The following KLF8 variants were observed in gnomAD, a reference collection of about 807,000 sequenced individuals.
The protein encoded by KLF8 is Krueppel-like factor 8.
A neutral mutation model predicts 18.2 loss-of-function variants in KLF8; 10 were observed. The ratio of observed to expected loss-of-function variants is 0.55; its 90% CI spans 0.34 to 0.93. The LOEUF is 0.93. Among genes scored for constraint, KLF8 ranks in the 40% least tolerant of loss-of-function variants. The pLI is 0.02. For synonymous variants in KLF8, 109 were observed against 97.3 expected, an observed-to-expected ratio of 1.12 and a Z score of -0.71; for missense variants, 264 against 277.9, an observed-to-expected ratio of 0.95 and a Z score of 0.36.
At chrX:56,173,585 C>CT in the KLF8 span, among the ~76,000 whole-genome samples, 3 of 111,808 alleles carry the variant, frequency 2.7e-5, no homozygotes, top group Admixed American at 1.9e-4. Flanking sequence ...AATGCGGGCT[C>CT]TTTTTTGGTT....
chrX:56,190,997 A>G, the KLF8 span, among the ~76,000 whole-genome samples: 1 of 111,879 alleles, frequency 8.9e-6, no homozygotes, highest in African/African-American at 3.2e-5. Context: ...GAAAAAGAAA[A>G]TAATACAAAG....
At chrX:56,049,436 G>A in the KLF8 span, among the ~76,000 whole-genome samples, 623 of 110,414 alleles carry the variant, frequency 5.6e-3, 2 homozygotes, top group Middle Eastern at 0.019. Flanking sequence ...TTTGAAATAC[G>A]TCCCATCAAT....
chrX:56,168,300 A>G, the KLF8 span, among the ~76,000 whole-genome samples: 1 of 111,859 alleles, frequency 8.9e-6, no homozygotes, highest in Non-Finnish European at 1.9e-5. Flanking sequence ...AAGCAATTCT[A>G]TGGACAATAG....
the KLF8 span, among the ~76,000 whole-genome samples, chrX:55,950,059 C>T: frequency 9.0e-6 from 1 of 111,211 alleles, no homozygotes; most frequent in Admixed American, 9.6e-5. Flanking sequence ...AGTTTCTCTA[C>T]CTAAGTAATG....
chrX:56,114,316 G>A, the KLF8 span, among the ~76,000 whole-genome samples: 1 of 112,623 alleles, frequency 8.9e-6, no homozygotes, highest in Admixed American at 9.4e-5. Context: ...GCCCCTGGGC[G>A]CAATGTTAGC....
At chrX:55,922,451 G>A in the KLF8 span, among the ~76,000 whole-genome samples, 3 of 112,223 alleles carry the variant, frequency 2.7e-5, no homozygotes, top group East Asian at 8.4e-4. Flanking sequence ...ACACACGCTG[G>A]GACCTGTCAG....
At chrX:56,022,377 C>T in the KLF8 span, among the ~76,000 whole-genome samples, 342 of 107,537 alleles carry the variant, frequency 3.2e-3, 1 homozygote, top group Non-Finnish European at 4.7e-3. Context: ...AAACCCCGTG[C>T]CTACTAAAAT....
the KLF8 span, among the ~76,000 whole-genome samples, chrX:56,193,604 G>T: frequency 2.7e-5 from 3 of 112,190 alleles, no homozygotes; most frequent in East Asian, 8.4e-4. Context: ...TAAAGAAAAT[G>T]TATATATACA....
At chrX:56,000,587 C>A in the KLF8 span, among the ~76,000 whole-genome samples, 1 of 108,832 alleles carries the variant, frequency 9.2e-6, no homozygotes, top group Admixed American at 9.9e-5. Flanking sequence ...TTGTATGTTT[C>A]CAGTAATTTC....
At chrX:56,029,472 C>T in the KLF8 span, among the ~76,000 whole-genome samples, 32 of 110,732 alleles carry the variant, frequency 2.9e-4, no homozygotes, top group Non-Finnish European at 4.0e-4. Flanking sequence ...ATTATATCAG[C>T]GGTTTTCTTA....
At chrX:56,135,263 G>A in the KLF8 span, among the ~76,000 whole-genome samples, 1 of 111,477 alleles carries the variant, frequency 9.0e-6, no homozygotes, top group African/African-American at 3.3e-5. Flanking sequence ...TATGTTTATT[G>A]CAGCACTATT....
chrX:56,152,851 G>A, the KLF8 span, among the ~76,000 whole-genome samples: 33 of 111,917 alleles, frequency 2.9e-4, no homozygotes, highest in Non-Finnish European at 5.5e-4. Context: ...TGCCCAGTAA[G>A]CCTTATACTC....
the KLF8 span, among the ~76,000 whole-genome samples, chrX:55,960,152 T>A: frequency 2.7e-5 from 3 of 112,053 alleles, no homozygotes; most frequent in Non-Finnish European, 3.8e-5. Context: ...CTAAGCTTCA[T>A]AAGTGGAGAA....
At chrX:56,059,832 A>G in the KLF8 span, among the ~76,000 whole-genome samples, 1 of 111,811 alleles carries the variant, frequency 8.9e-6, no homozygotes, top group African/African-American at 3.2e-5. Flanking sequence ...TCTTGGCAAT[A>G]TGGGCTCTTT....
the KLF8 span, among the ~76,000 whole-genome samples, chrX:56,056,706 G>A: frequency 2.1e-5 from 2 of 96,999 alleles, no homozygotes; most frequent in Non-Finnish European, 4.1e-5. Context: ...GCTAGATGAC[G>A]AGTTAGTGGG....
At chrX:56,270,689 T>A (rs2067045496) in intron 5 of KLF8, among the ~76,000 whole-genome samples, 1 of 111,664 alleles carries the variant, frequency 9.0e-6, no homozygotes, top group African/African-American at 3.3e-5. Context: ...ATTACTCCCT[T>A]CCTTACTACC....
At chrX:56,195,100 G>A in the KLF8 span, among the ~76,000 whole-genome samples, 42 of 112,080 alleles carry the variant, frequency 3.7e-4, no homozygotes, top group Middle Eastern at 4.6e-3. Flanking sequence ...AAGACTAAAG[G>A]TAGATAAAAC....
At chrX:55,924,141 C>T in the KLF8 span, among the ~76,000 whole-genome samples, 5 of 111,831 alleles carry the variant, frequency 4.5e-5, no homozygotes, top group Non-Finnish European at 7.5e-5. Context: ...GCGATCTCAG[C>T]TCACTGCAAG....
At chrX:56,277,972 A>T (rs2067144354) in intron 5 of KLF8, among the ~76,000 whole-genome samples, 1 of 112,507 alleles carries the variant, frequency 8.9e-6, no homozygotes, top group Admixed American at 9.3e-5. Context: ...GCTACTGCTG[A>T]TGTTCCCATA....
Sources: gnomAD v4.1 joint callset for allele counts (sites outside exome capture counted in the v4.1 genomes callset) on GRCh38, gnomAD v4.1.1 for gene constraint, MANE v1.5 for transcripts, NCBI Gene and HGNC (gene_info 2026-07-23, HGNC 2026-07-21) for gene names.